Variants in TBL1X observed in about 807,000 individuals in gnomAD.
The protein encoded by TBL1X is transducin beta like 1 X-linked.
A neutral mutation model predicts 50.7 loss-of-function variants in TBL1X; 10 were observed. The observed-to-expected ratio is 0.20, with a 90% confidence interval of 0.12 to 0.33. The LOEUF (loss-of-function observed/expected upper bound fraction) is 0.33, where lower values mean the gene tolerates loss of function less well. TBL1X is among the 10% of genes least tolerant of loss of function. TBL1X has a pLI of 1.00. For synonymous variants in TBL1X, 190 were observed against 214.7 expected (o/e 0.88, Z 1.01); for missense variants, 340 against 504.4 (o/e 0.67, Z 3.12).
chrX:9,601,483 C>T (rs2082556477), intron 2 of TBL1X, among the ~76,000 whole-genome samples: 1 of 111,693 alleles, frequency 9.0e-6, no homozygotes, highest in African/African-American at 3.3e-5. Context: ...CTGAGGCAGA[C>T]CTCTTTACTC....
In TBL1X at chrX:9,640,656, G is replaced by A. The variant is rs566671058; in HGVS notation, c.-43+296G>A. ...TTTTGTTTGTTTGTTTTGAGACAGA[G>A]TCTTTGCTCTGTCACCCAGGCTGGA... On this transcript the variant is annotated intron_variant, in intron 3 of 17. Transcript: ENST00000645353. Among the ~76,000 whole-genome samples the A allele has an allele frequency of 1.3e-4, 15 of 111,185 alleles. No individual in the cohort carries two copies. The South Asian group carries it at 3.1e-3, about 23-fold the overall frequency.
chrX:9,709,104 C>T lies in TBL1X; in HGVS notation c.1237-144C>T, dbSNP rs2083228214. The T allele has an allele frequency of 5.9e-6, 3 of 506,731 alleles. No homozygotes were observed. The East Asian group carries it at 1.1e-4, about 19-fold the overall frequency. 41.8% of individuals were successfully genotyped at this position (506,731 alleles called of 1,213,427 possible). A position where few individuals can be genotyped will look rare whatever the true frequency, so the allele number is the denominator to read the frequency against. On this transcript the variant is annotated intron_variant, in intron 13 of 17. Coordinates refer to ENST00000645353, the MANE Select transcript of TBL1X (RefSeq NM_005647.4). ...GTGAGAAAAAGAGGAAACTAGATGGCTGGTTGGGCTGTGCCCTTTGATGTC... is the reference window on the plus strand; with the variant it reads ...GTGAGAAAAAGAGGAAACTAGATGGTTGGTTGGGCTGTGCCCTTTGATGTC...
At chrX:9,470,554 CT>C (rs1454355530) in intron 1 of TBL1X, among the ~76,000 whole-genome samples, 1 of 112,742 alleles carries the variant, frequency 8.9e-6, no homozygotes, top group African/African-American at 3.2e-5. Context: ...CACGCTCGGC[CT>C]ATTTATTTCC....
intron 17 of TBL1X, among the ~76,000 whole-genome samples, 178 bp downstream of exon 17, chrX:9,715,181 T>A (rs1386730278): frequency 1.8e-5 from 2 of 111,961 alleles, no homozygotes; most frequent in African/African-American, 6.5e-5. Flanking sequence ...CTTCTCCTTG[T>A]CCCTTCCAGA....
At chrX:9,523,588 A>G (rs1202345484) in intron 2 of TBL1X, among the ~76,000 whole-genome samples, 1 of 111,459 alleles carries the variant, frequency 9.0e-6, no homozygotes, top group Non-Finnish European at 1.9e-5. Flanking sequence ...GATGCTCAAG[A>G]CTCTCTCAAA....
intron 2 of TBL1X, among the ~76,000 whole-genome samples, chrX:9,629,556 A>C (rs2082709798): frequency 8.9e-6 from 1 of 112,462 alleles, no homozygotes; most frequent in African/African-American, 3.2e-5. Flanking sequence ...AACTTTATTC[A>C]GTGCTTTTAG....
At chrX:9,648,226 C>T (rs956352309) in intron 3 of TBL1X, among the ~76,000 whole-genome samples, 3 of 108,555 alleles carry the variant, frequency 2.8e-5, no homozygotes, top group African/African-American at 1.0e-4. Context: ...CCTGATTTAC[C>T]CTAACTTTAT....
chrX:9,537,554 CCTTTTA>C (rs1487617117), intron 2 of TBL1X, among the ~76,000 whole-genome samples: 1 of 111,681 alleles, frequency 9.0e-6, no homozygotes, highest in Admixed American at 9.5e-5. Flanking sequence ...ACTCTAGGGA[CCTTTTA>C]TATGTGGGAT....
intron 2 of TBL1X, among the ~76,000 whole-genome samples, chrX:9,598,806 C>T (rs1171153946): frequency 9.0e-6 from 1 of 111,543 alleles, no homozygotes; most frequent in Non-Finnish European, 1.9e-5. Flanking sequence ...CTGGTGGCTG[C>T]TGGCAGTCTT....
intron 2 of TBL1X, among the ~76,000 whole-genome samples, chrX:9,596,678 C>T (rs761402419): frequency 1.8e-5 from 2 of 111,485 alleles, no homozygotes; most frequent in Non-Finnish European, 3.8e-5. Context: ...ATAATCACCC[C>T]TAGTTGAAAA....
At chrX:9,665,801 C>A (rs944833734) in intron 5 of TBL1X, among the ~76,000 whole-genome samples, 1 of 107,709 alleles carries the variant, frequency 9.3e-6, no homozygotes, top group Non-Finnish European at 1.9e-5. Context: ...CTCTCAAAAT[C>A]TAAGGCTCTG....
At chrX:9,508,849 A>G (rs952282732) in intron 2 of TBL1X, among the ~76,000 whole-genome samples, 2 of 110,413 alleles carry the variant, frequency 1.8e-5, no homozygotes, top group Admixed American at 9.7e-5. Context: ...AAAACCAAAC[A>G]CCGCATATTC....
At chrX:9,623,133 A>G (rs1422353614) in intron 2 of TBL1X, among the ~76,000 whole-genome samples, 1 of 111,855 alleles carries the variant, frequency 8.9e-6, no homozygotes, top group Non-Finnish European at 1.9e-5. Context: ...TTTGATGCAA[A>G]GGTTAACCCA....
intron 1 of TBL1X, among the ~76,000 whole-genome samples, chrX:9,485,783 C>T (rs2081908623): frequency 8.9e-6 from 1 of 112,244 alleles, no homozygotes; most frequent in Non-Finnish European, 1.9e-5. Context: ...CTGCCAAAAT[C>T]AACCAGTCTC....
intron 5 of TBL1X, among the ~76,000 whole-genome samples, chrX:9,681,918 A>G (rs2083027841): frequency 8.9e-6 from 1 of 112,636 alleles, no homozygotes; most frequent in Admixed American, 9.3e-5. Flanking sequence ...GCTTGAAGCC[A>G]TTTAGTAGGA....
intron 3 of TBL1X, among the ~76,000 whole-genome samples, chrX:9,645,897 T>C (rs1463885736): frequency 1.8e-5 from 2 of 111,913 alleles, no homozygotes; most frequent in Non-Finnish European, 1.9e-5. Flanking sequence ...TTGGGACATA[T>C]CATAAATATC....
intron 16 of TBL1X, 103 bp downstream of exon 16, chrX:9,711,879 C>G (rs980720788): frequency 2.2e-6 from 2 of 918,234 alleles, no homozygotes; most frequent in African/African-American, 4.1e-5. Flanking sequence ...GGGAGTTGAG[C>G]AAGCTCAGGC....
chrX:9,673,014 G>A (rs568911084), intron 5 of TBL1X, among the ~76,000 whole-genome samples: 1 of 112,012 alleles, frequency 8.9e-6, no homozygotes, highest in African/African-American at 3.2e-5. Context: ...GTGTCCTCAC[G>A]TGGTGGAAGA....
intron 3 of TBL1X, among the ~76,000 whole-genome samples, chrX:9,645,586 C>T (rs879215265): frequency 3.6e-5 from 4 of 111,574 alleles, no homozygotes; most frequent in East Asian, 2.8e-4. Flanking sequence ...ACTCTAGTAA[C>T]GAAGAAATAA....
Sources: gnomAD v4.1 joint callset for allele counts (sites outside exome capture counted in the v4.1 genomes callset) on GRCh38, gnomAD v4.1.1 for gene constraint, MANE v1.5 for transcripts, NCBI Gene and HGNC (gene_info 2026-07-23, HGNC 2026-07-21) for gene names.